Variants in FIGNL2 observed in about 807,000 individuals in gnomAD.
FIGNL2 encodes the protein fidgetin-like protein 2.
For synonymous variants in FIGNL2, 565 were observed against 484.0 expected, an observed-to-expected ratio of 1.17 and a Z score of -2.20; for missense variants, 1,060 against 950.2, an observed-to-expected ratio of 1.12 and a Z score of -1.52.
At position 51,822,086 on chromosome 12, in the gene FIGNL2, A is replaced by G; in HGVS notation, c.328T>C (p.Ser110Pro). 2 of 1,611,272 alleles carry G rather than the reference A, an allele frequency of 1.2e-6. No homozygotes were observed. Among genetic ancestry groups the G allele is most frequent in the Non-Finnish European group, 1.7e-6 (2 of 1,178,878 alleles). The change falls in exon 2 of 2, where the codon TCA becomes CCA. Residue 110 changes from serine to proline, a missense_variant. Coordinates refer to ENST00000618634, the MANE Select transcript of FIGNL2 (RefSeq NM_001384995.1). Reference sequence around the variant, plus strand: ...GTTCCTGGGAGGCCTTCGTGGAGTGAGGCCAAGGGGTAGGGTGGCTCCGGC... The same window carrying G: ...GTTCCTGGGAGGCCTTCGTGGAGTGGGGCCAAGGGGTAGGGTGGCTCCGGC... Reference protein sequence around the residue: ...PGPEPPYPLASLHEGLPGTKS... With the variant: ...PGPEPPYPLAPLHEGLPGTKS...
Position 51,820,557 on chromosome 12 carries a change from G to C in FIGNL2, c.1857C>G (p.Ser619=), listed in dbSNP as rs565526347. The change falls in exon 2 of 2, where the codon TCC becomes TCG. Residue 619 remains serine, a synonymous_variant. Transcript: ENST00000618634. The stretch of plus-strand genomic sequence containing the variant: ...CCAGCGCCGCCTCCAGGTCCTTGTA[G>C]GAGAGGGGGCGCTGCAGCCCCGGGA... ...AGLPGLQRPL[S]YKDLEAALAK... 18 of 1,537,768 alleles carry C rather than the reference G, an allele frequency of 1.2e-5. No individual in the cohort carries two copies. In the African/African-American group the frequency reaches 2.5e-4, roughly 21 times the overall value.
intron 1 of FIGNL2, among the ~76,000 whole-genome samples, chr12:51,841,111 G>C (rs112813399): frequency 2.3e-4 from 35 of 152,308 alleles, no homozygotes; most frequent in African/African-American, 6.0e-4. Flanking sequence ...GCCCTGGGGG[G>C]GCTGAGCCGA....
At chr12:51,845,469 C>A (rs932147076) in intron 1 of FIGNL2, 4 of 985,392 alleles carry the variant, frequency 4.1e-6, no homozygotes, top group Non-Finnish European at 3.6e-6. Flanking sequence ...CGCCCCCCCC[C>A]CACAGTCTCT....
Position 51,820,521 on chromosome 12 carries a change from G to T in FIGNL2, c.1893C>A (p.Gly631=), listed in dbSNP as rs1483540286. ...KDLEAALAKV[G]PRASAKELDS... ...CCAGTTCCTTGGCAGAGGCCCTAGGGCCCACCTTGGCCAGCGCCGCCTCCA... is the reference window on the plus strand; with the variant it reads ...CCAGTTCCTTGGCAGAGGCCCTAGGTCCCACCTTGGCCAGCGCCGCCTCCA... The change falls in exon 2 of 2, where the codon GGC becomes GGA. Residue 631 remains glycine, a synonymous_variant. Transcript: ENST00000618634. 1.9e-6 allele frequency: 3 copies of T among 1,567,256 alleles called. No individual in the cohort carries two copies. The highest frequency in any genetic ancestry group is 2.3e-5 in the East Asian group (1 of 43,008).
chr12:51,829,141 T>C (rs1490456496), intron 1 of FIGNL2, among the ~76,000 whole-genome samples: 1 of 152,252 alleles, frequency 6.6e-6, no homozygotes, highest in East Asian at 1.9e-4. Flanking sequence ...GCAAGCCTCC[T>C]CTGAGCTCCA....
chr12:51,822,265 T>A lies in FIGNL2; in HGVS notation c.149A>T (p.Asp50Val). ...QRCHYAWAHD[D>V]ISALTASNLL... The stretch of plus-strand genomic sequence containing the variant: ...GTTGGAGGCAGTGAGGGCTGAGATG[T>A]CGTCGTGTGCCCAAGCGTAGTGGCA... Residue 50 changes from aspartate (D) to valine (V), a missense_variant, in exon 2 of 2, where the codon GAC becomes GTC. Coordinates refer to ENST00000618634, the MANE Select transcript of FIGNL2 (RefSeq NM_001384995.1). 6.2e-7 allele frequency: 1 copy of A among 1,611,428 alleles called. No individual in the cohort carries two copies. Among genetic ancestry groups the A allele is most frequent in the Non-Finnish European group, 8.5e-7 (1 of 1,178,886 alleles).
intron 1 of FIGNL2, among the ~76,000 whole-genome samples, chr12:51,843,843 A>G (rs1939702143): frequency 6.6e-6 from 1 of 151,978 alleles, no homozygotes; most frequent in Non-Finnish European, 1.5e-5. Context: ...GGAGGGCAAG[A>G]TGGGAGGATC....
intron 1 of FIGNL2, chr12:51,846,878 C>G: frequency 1.6e-6 from 1 of 610,338 alleles, no homozygotes; most frequent in South Asian, 7.2e-5. Context: ...TCGCTCCCGT[C>G]TGCCTTGGAT....
intron 1 of FIGNL2, among the ~76,000 whole-genome samples, chr12:51,834,245 C>T (rs934248549): frequency 1.3e-5 from 2 of 151,930 alleles, no homozygotes; most frequent in Admixed American, 1.3e-4. Flanking sequence ...AGGGGTGAAG[C>T]CAGGGGCTCA....
At position 51,822,158 on chromosome 12, in the gene FIGNL2, C is replaced by A. The variant is rs1939230014; in HGVS notation, c.256G>T (p.Ala86Ser). ...CCTTTGGCGCCGTTGAGGAAGGAGG[C>A]GTCGCTGTACCCGCCCAGGGCCGGA... ...ERPALGGYSD[A>S]SFLNGAKGDP... Residue 86 changes from alanine (A) to serine (S), a missense_variant, in exon 2 of 2, where the codon GCC (alanine) becomes TCC (serine). Transcript: ENST00000618634. The A allele has an allele frequency of 6.2e-7, 1 of 1,611,242 alleles. No homozygotes were observed. Among genetic ancestry groups the A allele is most frequent in the South Asian group, 1.1e-5 (1 of 90,542 alleles).
At position 51,822,030 on chromosome 12, in the gene FIGNL2, G is replaced by C; in HGVS notation, c.384C>G (p.Ala128=). The change falls in exon 2 of 2, where the codon GCC becomes GCG. Residue 128 remains alanine (A), a synonymous_variant. Coordinates refer to ENST00000618634, the MANE Select transcript of FIGNL2 (RefSeq NM_001384995.1). The part of the protein sequence containing the change: ...TKSGGGGGSG[A]LGGSPVLAGN... ...CGGCTAAAACTGGGGAGCCCCCCAG[G>C]GCCCCGGAACCGCCGCCACCGCCCG... The C allele has an allele frequency of 6.2e-7, 1 of 1,605,076 alleles. No homozygotes were observed. The highest frequency in any genetic ancestry group is 8.5e-7 in the Non-Finnish European group (1 of 1,176,558).
chr12:51,824,959 A>G (rs1429358528), intron 1 of FIGNL2, among the ~76,000 whole-genome samples: 1 of 151,840 alleles, frequency 6.6e-6, no homozygotes. Context: ...CAGGAGAACC[A>G]CTTGAACCCG....
At chr12:51,827,778 C>T (rs941814057) in intron 1 of FIGNL2, among the ~76,000 whole-genome samples, 14 of 152,288 alleles carry the variant, frequency 9.2e-5, no homozygotes, top group Middle Eastern at 3.4e-3. Flanking sequence ...GACGCCATTT[C>T]CCCAAAACCC....
chr12:51,847,626 C>T, intron 1 of FIGNL2: 6 of 985,370 alleles, frequency 6.1e-6, no homozygotes, highest in Non-Finnish European at 7.2e-6. Flanking sequence ...AGGCCGCGCG[C>T]TCTCTGCCCC....
chr12:51,841,084 C>G (rs773703467), intron 1 of FIGNL2, among the ~76,000 whole-genome samples: 4 of 152,254 alleles, frequency 2.6e-5, no homozygotes, highest in Non-Finnish European at 5.9e-5. Flanking sequence ...GCCTCAGCCC[C>G]TCCTGCCCTC....
rs191140540 is a variant in FIGNL2 at position 51,817,967 on chromosome 12, C to A, written c.*2485G>T. The A allele has an allele frequency of 1.3e-5, 2 of 152,568 alleles. No individual in the cohort carries two copies. Among genetic ancestry groups the A allele is most frequent in the Non-Finnish European group, 1.5e-5 (1 of 68,036 alleles). 9.5% of individuals were successfully genotyped at this position (152,568 alleles called of 1,614,324 possible). A position where few individuals can be genotyped will look rare whatever the true frequency, so the allele number is the denominator to read the frequency against. ...TACAGTCTCTTCTGAGGTAGACAGA[C>A]CACAACTGCAGAGCATCGTCAGACA... is the stretch of plus-strand genomic sequence containing the variant. On this transcript the variant is annotated 3_prime_UTR_variant, in exon 2 of 2. Transcript: ENST00000618634.
chr12:51,829,555 G>A (rs1939411122), intron 1 of FIGNL2, among the ~76,000 whole-genome samples: 2 of 152,308 alleles, frequency 1.3e-5, no homozygotes, highest in Admixed American at 1.3e-4. Context: ...CATGAGTAGG[G>A]CTCAACACAT....
rs1939185890 is a variant in FIGNL2, at chr12:51,821,366, C to T, written c.1048G>A (p.Glu350Lys). ...PQLEPFEKFP[E>K]RAPAPRGGFA... ...CCCCCACGAGGAGCCGGGGCCCGCT[C>T]CGGGAACTTTTCAAAGGGCTCCAGT... The change falls in exon 2 of 2, where the codon GAG becomes AAG. Residue 350 changes from glutamate (E) to lysine (K), a missense_variant. Glu to Lys is a moderately conservative substitution (Grantham distance 56). Transcript: ENST00000618634. The T allele has an allele frequency of 2.7e-6, 4 of 1,505,078 alleles. No individual in the cohort carries two copies. Among genetic ancestry groups the T allele is most frequent in the Non-Finnish European group, 2.7e-6 (3 of 1,129,984 alleles). The allele number at this position is 1,505,078 out of a possible 1,614,324, so 93.2% of individuals were successfully genotyped here.
chr12:51,825,762 G>A (rs565125407), intron 1 of FIGNL2: 2 of 151,806 alleles, frequency 1.3e-5, no homozygotes, highest in East Asian at 1.9e-4. Flanking sequence ...GACTACAGGC[G>A]CCCGCTACCA....
Sources: allele counts gnomAD v4.1 joint callset (sites outside exome capture counted in the v4.1 genomes callset), GRCh38; gene constraint gnomAD v4.1.1; transcripts MANE v1.5; gene names NCBI Gene and HGNC (gene_info 2026-07-23, HGNC 2026-07-21).